CHD6: variants seen among roughly 807,000 people sequenced by gnomAD.
The protein encoded by CHD6 is chromodomain helicase DNA binding protein 6, also known as ATP-dependent chromatin remodeler CHD6.
A neutral mutation model predicts 276.9 loss-of-function variants in CHD6; 50 were observed. The ratio of observed to expected loss-of-function variants is 0.18; its 90% CI spans 0.14 to 0.23. CHD6 has a LOEUF of 0.23. Ranked by LOEUF, CHD6 falls within the 10% of genes least tolerant of loss-of-function variation. The probability of loss-of-function intolerance (pLI) is 1.00; values close to 1 mark genes in which losing one functional copy is unlikely to be tolerated. For missense variants in CHD6, 2,564 were observed against 3,365.8 expected (o/e 0.76, Z 5.89); for synonymous variants, 1,173 against 1,229.3 (o/e 0.95, Z 0.96).
rs577187691 is a variant in CHD6 at position 41,468,772 on chromosome 20, C to T, written c.2664+4550G>A. Among the ~76,000 whole-genome samples, 11 of 152,104 alleles carry T rather than the reference C, an allele frequency of 7.2e-5. No individual in the cohort carries two copies. In the East Asian group the frequency reaches 2.1e-3, roughly 29 times the overall value. ...GCTCATGCCTGTAATCTCAGCACTT[C>T]GGGAGGCTGAGGTGGGTGGATCACT... On this transcript the variant is annotated intron_variant, in intron 17 of 36. Transcript: ENST00000373233.
intron 35 of CHD6, among the ~76,000 whole-genome samples, chr20:41,412,665 G>GCT (rs1320823581): frequency 6.6e-6 from 1 of 152,150 alleles, no homozygotes; most frequent in African/African-American, 2.4e-5. Flanking sequence ...CTTCCTGTGC[G>GCT]CTCTCTACCT....
At chr20:41,615,235 G>A (rs1267284255) in intron 1 of CHD6, among the ~76,000 whole-genome samples, 1 of 151,772 alleles carries the variant, frequency 6.6e-6, no homozygotes, top group African/African-American at 2.4e-5. Flanking sequence ...TGAAAACAAA[G>A]ATATTTTTCC....
chr20:41,412,077 G>GT, intron 36 of CHD6, 67 bp downstream of exon 36: 1 of 1,588,536 alleles, frequency 6.3e-7, no homozygotes, highest in Middle Eastern at 2.0e-4. Flanking sequence ...TTTCTCTCAA[G>GT]TATGTAAGGC....
At chr20:41,617,399 C>T (rs1421253986) in intron 1 of CHD6, among the ~76,000 whole-genome samples, 2 of 152,224 alleles carry the variant, frequency 1.3e-5, no homozygotes, top group Non-Finnish European at 2.9e-5. Context: ...AAAGTGCCTG[C>T]TTATGCATTT....
chr20:41,507,657 T>G (rs1043344972), intron 5 of CHD6, among the ~76,000 whole-genome samples: 1 of 152,194 alleles, frequency 6.6e-6, no homozygotes, highest in African/African-American at 2.4e-5. Context: ...TAAATCTGCT[T>G]GCCAGACACA....
chr20:41,481,157 G>T (rs1340530835), intron 16 of CHD6, among the ~76,000 whole-genome samples: 1 of 151,628 alleles, frequency 6.6e-6, no homozygotes, highest in African/African-American at 2.4e-5. Context: ...ATTTATATGG[G>T]TCTCACGGTT....
chr20:41,510,695 G>A (rs1430854377), intron 5 of CHD6, among the ~76,000 whole-genome samples: 1 of 152,158 alleles, frequency 6.6e-6, no homozygotes, highest in African/African-American at 2.4e-5. Flanking sequence ...AGGTGCCAGG[G>A]GAGAAGTCAT....
chr20:41,500,369 G>A (rs2043801843), intron 5 of CHD6, among the ~76,000 whole-genome samples: 1 of 152,164 alleles, frequency 6.6e-6, no homozygotes, highest in African/African-American at 2.4e-5. Context: ...AGTGATGATG[G>A]GTTAAAAGAA....
chr20:41,570,666 A>G (rs2045406712), intron 1 of CHD6, among the ~76,000 whole-genome samples: 1 of 152,226 alleles, frequency 6.6e-6, no homozygotes, highest in African/African-American at 2.4e-5. Context: ...GTACAAGAAT[A>G]CCACCAGCTA....
At chr20:41,436,480 T>A (rs527238005) in intron 27 of CHD6, among the ~76,000 whole-genome samples, 71 of 152,310 alleles carry the variant, frequency 4.7e-4, no homozygotes, top group African/African-American at 1.6e-3. Context: ...ACACAACATG[T>A]AACTATCATA....
At chr20:41,478,831 T>C (rs1219144435) in intron 16 of CHD6, among the ~76,000 whole-genome samples, 1 of 152,154 alleles carries the variant, frequency 6.6e-6, no homozygotes, top group Admixed American at 6.5e-5. Flanking sequence ...GAACATAATA[T>C]TCACTAGGGC....
At chr20:41,518,220 CATTAT>C (rs1217518956) in intron 3 of CHD6, among the ~76,000 whole-genome samples, 1 of 152,190 alleles carries the variant, frequency 6.6e-6, no homozygotes, top group African/African-American at 2.4e-5. Flanking sequence ...AACGTAACTT[CATTAT>C]ATTAGAACAC....
chr20:41,552,093 C>A (rs2045156117), intron 1 of CHD6, among the ~76,000 whole-genome samples: 1 of 152,184 alleles, frequency 6.6e-6, no homozygotes, highest in South Asian at 2.1e-4. Context: ...AAAGAACAAA[C>A]CCTAGTCTAG....
At chr20:41,495,907 G>A (rs1041948460) in intron 8 of CHD6, among the ~76,000 whole-genome samples, 4 of 152,208 alleles carry the variant, frequency 2.6e-5, no homozygotes, top group African/African-American at 9.6e-5. Flanking sequence ...GGCCACCCAG[G>A]TGTGTGTGAG....
At chr20:41,500,225 C>T (rs1399285360) in intron 5 of CHD6, among the ~76,000 whole-genome samples, 2 of 152,012 alleles carry the variant, frequency 1.3e-5, no homozygotes, top group East Asian at 1.9e-4. Flanking sequence ...CTGCCAAATT[C>T]GGTATTCTGG....
At chr20:41,596,476 C>T (rs563036586) in intron 1 of CHD6, among the ~76,000 whole-genome samples, 22 of 151,936 alleles carry the variant, frequency 1.4e-4, no homozygotes, top group South Asian at 6.2e-4. Flanking sequence ...AACCATGATC[C>T]GCAGGGCTGC....
In CHD6 at chr20:41,484,700, T is replaced by A. The variant is rs184803440; in HGVS notation, c.2002-93A>T. On this transcript the variant is annotated intron_variant, in intron 14 of 36. Coordinates refer to ENST00000373233, the MANE Select transcript of CHD6 (RefSeq NM_032221.5). ...CCTTCACTCTAATTTCTTGAACATT[T>A]ACCCATAGTACTGTGGTAGTAGACT... The A allele has an allele frequency of 1.5e-5, 19 of 1,306,152 alleles. No homozygotes were observed. The East Asian group carries it at 4.4e-4, about 30-fold the overall frequency. The allele number at this position is 1,306,152 out of a possible 1,614,324, so 80.9% of individuals were successfully genotyped here. A position where few individuals can be genotyped will look rare whatever the true frequency, so the allele number is the denominator to read the frequency against.
Position 41,473,046 on chromosome 20 carries a change from GATA to G in CHD6, c.2664+273_2664+275del. The G allele has an allele frequency of 2.6e-5, 9 of 339,914 alleles. No individual in the cohort carries two copies. Among genetic ancestry groups the G allele is most frequent in the Non-Finnish European group, 4.8e-5 (9 of 187,226 alleles). The allele number at this position is 339,914 out of a possible 1,614,324, so 21.1% of individuals were successfully genotyped here. On this transcript the variant is annotated intron_variant, in intron 17 of 36. Coordinates refer to ENST00000373233, the MANE Select transcript of CHD6 (RefSeq NM_032221.5). This position sits in a 1 kb window ranked among gnomAD's most constrained non-coding sequence, Gnocchi z 4.1. ...AGTCAAGATTAGTATCTTTATTTCT[GATA>G]ATAATAATAATTAGTAGTTCTAGTC...
At position 41,425,949 on chromosome 20, in the gene CHD6, C is replaced by T; in HGVS notation, c.4129+144G>A. On this transcript the variant is annotated intron_variant, in intron 28 of 36. Coordinates refer to ENST00000373233, the MANE Select transcript of CHD6 (RefSeq NM_032221.5). ...CCATGCTGAAGCTCCATGTGTGACT[C>T]TAGGGGAGTTTGATGATGGTCAACT... 3 of 723,832 alleles carry T rather than the reference C, an allele frequency of 4.1e-6. No individual in the cohort carries two copies. The Admixed American group carries it at 5.7e-5, about 14-fold the overall frequency. 44.8% of individuals were successfully genotyped at this position (723,832 alleles called of 1,614,324 possible).
Sources: gnomAD v4.1 joint callset for allele counts (sites outside exome capture counted in the v4.1 genomes callset) on GRCh38, gnomAD v4.1.1 for gene constraint, Gnocchi (gnomAD v3.1) non-coding constraint, MANE v1.5 for transcripts, NCBI Gene and HGNC (gene_info 2026-07-23, HGNC 2026-07-21) for gene names.